The following ASPM variants were observed in gnomAD, a reference collection of about 807,000 sequenced individuals.
ASPM encodes the protein assembly factor for spindle microtubules, also known as abnormal spindle-like microcephaly-associated protein.
A neutral mutation model predicts 366.4 loss-of-function variants in ASPM; 256 were observed. That is an observed-to-expected ratio of 0.70 (90% CI 0.63 to 0.77). The LOEUF (loss-of-function observed/expected upper bound fraction) is 0.77. Ranked by LOEUF, ASPM falls within the 30% of genes least tolerant of loss-of-function variation. The pLI is 0.00. For synonymous variants in ASPM, 1,414 were observed against 1,342.9 expected (o/e 1.05, Z -1.16); for missense variants, 4,146 against 4,090.4 (o/e 1.01, Z -0.37).
Position 197,091,912 on chromosome 1 carries a change from T to C in ASPM, c.9439A>G (p.Ile3147Val), listed in dbSNP as rs150906798. The change falls in exon 22 of 28, where the codon ATT becomes GTT. Residue 3147 changes from isoleucine (I) to valine (V), a missense_variant. Transcript: ENST00000367409. ...ANKQVNSVIC[I>V]QRWFRARLQE... ...ACTGCAAAGAAGAAGCAAACCTGAATACAGATGACTGAATTAACCTGCTTG... is the reference window on the plus strand; with the variant it reads ...ACTGCAAAGAAGAAGCAAACCTGAACACAGATGACTGAATTAACCTGCTTG... The C allele has an allele frequency of 7.1e-5, 114 of 1,609,926 alleles. No individual in the cohort carries two copies. Among genetic ancestry groups the C allele is most frequent in the Non-Finnish European group, 9.5e-5 (112 of 1,178,402 alleles).
At position 197,104,276 on chromosome 1, in the gene ASPM, C is replaced by G. The variant is rs560847421; in HGVS notation, c.4975G>C (p.Val1659Leu). ...CGATAATATGATTGAATCTTTATAA[C>G]AGATGTGAGGATGTGAATATACATT... ...RKMYIHILTS[V>L]IKIQSYYRAY... Residue 1659 changes from valine to leucine, a missense_variant, in exon 18 of 28, where the codon GTT becomes CTT. By Grantham distance (32) the Val-to-Leu change is conservative. Around this residue, in one of 3 missense-constraint regions of ASPM, gnomAD observed 3,624 missense variants for 3,591.7 expected, o/e 1.01. Coordinates refer to ENST00000367409, the MANE Select transcript of ASPM (RefSeq NM_018136.5). The G allele has an allele frequency of 6.2e-7, 1 of 1,612,830 alleles. No homozygotes were observed. The highest frequency in any genetic ancestry group is 1.3e-5 in the African/African-American group (1 of 74,788).
chr1:197,139,780 T>C lies in ASPM; in HGVS notation c.2013A>G (p.Lys671=). The C allele has an allele frequency of 1.9e-6, 3 of 1,605,628 alleles. No individual in the cohort carries two copies. The highest frequency in any genetic ancestry group is 2.6e-6 in the Non-Finnish European group (3 of 1,172,352). ...AVAQSSLTFI[K]PLKTDIPRHP... ...ATAAATACTTGCCTGTTTTTAATGGTTTTATGAAGGTCAAACTGGACTGTG... is the reference window on the plus strand; with the variant it reads ...ATAAATACTTGCCTGTTTTTAATGGCTTTATGAAGGTCAAACTGGACTGTG... The change falls in exon 4 of 28, where the codon AAA becomes AAG. Residue 671 remains lysine (K), a synonymous_variant. Coordinates refer to ENST00000367409, the MANE Select transcript of ASPM (RefSeq NM_018136.5).
chr1:197,097,525 A>C (rs1657017399), intron 18 of ASPM, among the ~76,000 whole-genome samples: 1 of 151,844 alleles, frequency 6.6e-6, no homozygotes, highest in African/African-American at 2.4e-5. Context: ...ACGTATATTT[A>C]GATTAGGTTC....
In ASPM at chr1:197,098,411, C is replaced by T. The variant is rs191957437; in HGVS notation, c.8820+2020G>A. On this transcript the variant is annotated intron_variant, in intron 18 of 27. Coordinates refer to ENST00000367409, the MANE Select transcript of ASPM (RefSeq NM_018136.5). ...TCCAATATGCAGTAAAGTTTTAGAC[C>T]ACTGGCATAGGCTAAAAATTATATG... is the stretch of plus-strand genomic sequence containing the variant. Among the ~76,000 whole-genome samples, 6 of 151,376 alleles carry T rather than the reference C, an allele frequency of 4.0e-5. No individual in the cohort carries two copies. In the East Asian group the frequency reaches 1.2e-3, roughly 30 times the overall value.
intron 5 of ASPM, among the ~76,000 whole-genome samples, chr1:197,134,446 G>A (rs114307259): frequency 2.0e-5 from 3 of 151,720 alleles, no homozygotes; most frequent in South Asian, 4.2e-4. Flanking sequence ...CTATACACGC[G>A]CTTCTCTGAC....
rs961959330 is a variant in ASPM, at chr1:197,135,229, G to T, written c.2040C>A (p.His680Gln). 5 of 1,613,820 alleles carry T rather than the reference G, an allele frequency of 3.1e-6. No individual in the cohort carries two copies. The African/African-American group carries it at 5.3e-5, about 17-fold the overall frequency. The change falls in exon 5 of 28, where the codon CAC becomes CAA. Residue 680 changes from histidine to glutamine, a missense_variant. By Grantham distance (24) the His-to-Gln change is conservative. Coordinates refer to ENST00000367409, the MANE Select transcript of ASPM (RefSeq NM_018136.5). ...IKPLKTDIPR[H>Q]PMPFAAKNMF... ...TGTTTTTTGCAGCAAATGGCATCGG[G>T]TGTCTGGGAATATCTAAGAATACAA...
intron 17 of ASPM, among the ~76,000 whole-genome samples, chr1:197,112,546 T>C (rs963164255): frequency 2.6e-5 from 4 of 152,120 alleles, no homozygotes; most frequent in African/African-American, 9.7e-5. Flanking sequence ...AGCTGGAAAC[T>C]GTTTAGGGCA....
rs749831677 is a variant in ASPM, at chr1:197,133,390, C to T, written c.2379G>A (p.Arg793=). 6.2e-7 allele frequency: 1 copy of T among 1,614,008 alleles called. No homozygotes were observed. Among genetic ancestry groups the T allele is most frequent in the Non-Finnish European group, 8.5e-7 (1 of 1,179,934 alleles). Residue 793 remains arginine (R), a synonymous_variant, in exon 6 of 28, where the codon CGG becomes CGA. Transcript: ENST00000367409. ...GGTGTCTATCTTTTCGAACAATTAACCGCCTAGCTTCAATTTCAATTTCAA... is the reference window on the plus strand; with the variant it reads ...GGTGTCTATCTTTTCGAACAATTAATCGCCTAGCTTCAATTTCAATTTCAA... The part of the protein sequence containing the change: ...KKLEIEIEAR[R]LIVRKDRHLW...
At position 197,146,477 on chromosome 1, in the gene ASPM, C is replaced by T; in HGVS notation, c.-40G>A. On this transcript the variant is annotated 5_prime_UTR_variant, in exon 1 of 28. Coordinates refer to ENST00000367409, the MANE Select transcript of ASPM (RefSeq NM_018136.5). ...CCCTCCTGGATCTCCTTGCCCCGCT[C>T]CCACGAGGCGGCTCCGGAGCGGGGA... is the stretch of plus-strand genomic sequence containing the variant. 6.3e-7 allele frequency: 1 copy of T among 1,596,264 alleles called. No homozygotes were observed. Among genetic ancestry groups the T allele is most frequent in the Non-Finnish European group, 8.5e-7 (1 of 1,176,902 alleles).
intron 4 of ASPM, among the ~76,000 whole-genome samples, chr1:197,136,958 ATGTTC>A (rs1162156690): frequency 6.6e-6 from 1 of 152,114 alleles, no homozygotes; most frequent in Non-Finnish European, 1.5e-5. Context: ...AGAAAATAAA[ATGTTC>A]TGTTAGCATG....
intron 27 of ASPM, among the ~76,000 whole-genome samples, chr1:197,084,835 A>G (rs201301816): frequency 1.3e-5 from 2 of 152,078 alleles, no homozygotes; most frequent in East Asian, 1.9e-4. Flanking sequence ...TACCTCAACC[A>G]ATCCTTTTTA....
Position 197,146,512 on chromosome 1 carries a change from T to TACGCTGACCGCTTCCCCTCAGGGGCGG in ASPM, c.-102_-76dup. The TACGCTGACCGCTTCCCCTCAGGGGCGG allele has an allele frequency of 6.5e-7, 1 of 1,536,148 alleles. No individual in the cohort carries two copies. On this transcript the variant is annotated 5_prime_UTR_variant, in exon 1 of 28. Transcript: ENST00000367409. ...GGCTCCGGAGCGGGGATCCGGGACT[T>TACGCTGACCGCTTCCCCTCAGGGGCGG]ACGCTGACCGCTTCCCCTCAGGGGC...
intron 17 of ASPM, among the ~76,000 whole-genome samples, chr1:197,110,802 A>T (rs1657559571): frequency 1.3e-5 from 2 of 152,130 alleles, no homozygotes; most frequent in Admixed American, 1.3e-4. Flanking sequence ...AAATAAAACC[A>T]CATACCTAAA....
Position 197,122,053 on chromosome 1 carries a change from A to C in ASPM, c.3742-10T>G, listed in dbSNP as rs41299587. On this transcript the variant is annotated splice_polypyrimidine_tract_variant and intron_variant, in intron 15 of 27. Coordinates refer to ENST00000367409, the MANE Select transcript of ASPM (RefSeq NM_018136.5). ...AATAGGTAATAACCACCTAAAAAAA[A>C]CCCACAAAAGATAAAAACAGAATAT... 15,076 of 1,610,884 alleles carry C rather than the reference A, an allele frequency of 9.4e-3. 95 individuals are homozygous for C. The highest frequency in any genetic ancestry group is 0.011 in the Non-Finnish European group (13,073 of 1,177,790).
chr1:197,088,221 A>G, intron 26 of ASPM, 35 bp downstream of exon 26: 1 of 1,594,234 alleles, frequency 6.3e-7, no homozygotes, highest in Non-Finnish European at 8.6e-7. Context: ...CCACAGAAAA[A>G]TAATCTTAAA....
rs1350526062 is a variant in ASPM, at chr1:197,128,877, C to T, written c.2761-212G>A. On this transcript the variant is annotated intron_variant, in intron 9 of 27. Transcript: ENST00000367409. ...AATACACTATAAAAACTAGCATTAA[C>T]TTGATTATATACTACATCAAAATTA... Among the ~76,000 whole-genome samples the T allele has an allele frequency of 2.6e-5, 4 of 152,016 alleles. No homozygotes were observed. In the East Asian group the frequency reaches 5.8e-4, roughly 22 times the overall value.
In ASPM at chr1:197,090,843, C is replaced by T. The variant is rs1656757631; in HGVS notation, c.9636+7G>A. 6.2e-7 allele frequency: 1 copy of T among 1,609,678 alleles called. No individual in the cohort carries two copies. The highest frequency in any genetic ancestry group is 2.2e-5 in the East Asian group (1 of 44,758). On this transcript the variant is annotated splice_region_variant and intron_variant, in intron 23 of 27. Coordinates refer to ENST00000367409, the MANE Select transcript of ASPM (RefSeq NM_018136.5). Reference sequence around the variant, plus strand: ...TTTTGAACTAAAACTATACAAGTTTCAATTACCTGAATTTTAATGATTCCA... The same window carrying T: ...TTTTGAACTAAAACTATACAAGTTTTAATTACCTGAATTTTAATGATTCCA...
intron 16 of ASPM, among the ~76,000 whole-genome samples, chr1:197,120,829 C>T (rs932780687): frequency 6.6e-6 from 1 of 152,086 alleles, no homozygotes; most frequent in Non-Finnish European, 1.5e-5. Flanking sequence ...GGGCACACAG[C>T]ATATACAGTA....
At chr1:197,127,922 T>C (rs1217872300) in intron 10 of ASPM, among the ~76,000 whole-genome samples, 1 of 152,082 alleles carries the variant, frequency 6.6e-6, no homozygotes, top group Admixed American at 6.5e-5. Flanking sequence ...TCCCAGAACT[T>C]TGGGAGGCCG....
Sources: allele counts gnomAD v4.1 joint callset (sites outside exome capture counted in the v4.1 genomes callset), GRCh38; gene constraint gnomAD v4.1.1; regional missense constraint gnomAD v4.1.1; transcripts MANE v1.5; gene names NCBI Gene and HGNC (gene_info 2026-07-23, HGNC 2026-07-21).